The following FAF1 variants were observed in gnomAD, a reference collection of about 807,000 sequenced individuals.
The protein encoded by FAF1 is Fas associated factor 1, also known as FAS-associated factor 1.
In FAF1, 25 loss-of-function variants were observed where a neutral mutation model predicts 92.5. The ratio of observed to expected loss-of-function variants is 0.27; its 90% CI spans 0.20 to 0.38. The LOEUF (loss-of-function observed/expected upper bound fraction) is 0.38. Ranked by LOEUF, FAF1 falls within the 10% of genes least tolerant of loss-of-function variation. The pLI, the probability that FAF1 is intolerant of heterozygous loss-of-function variation, is 1.00. For missense variants in FAF1, 636 were observed against 793.3 expected (o/e 0.80, Z 2.38); for synonymous variants, 234 against 273.2 (o/e 0.86, Z 1.42).
chr1:50,668,248 C>T (rs1339879472), intron 7 of FAF1, among the ~76,000 whole-genome samples: 1 of 152,074 alleles, frequency 6.6e-6, no homozygotes, highest in Non-Finnish European at 1.5e-5. Context: ...CATTTGGGGC[C>T]CTGGAGTCAG....
chr1:50,555,678 T>A (rs1272828606), intron 13 of FAF1, among the ~76,000 whole-genome samples: 1 of 152,112 alleles, frequency 6.6e-6, no homozygotes, highest in Non-Finnish European at 1.5e-5. Flanking sequence ...TGTAAATTAG[T>A]ACAACCTCTA....
intron 4 of FAF1, among the ~76,000 whole-genome samples, chr1:50,761,234 T>C (rs1396218524): frequency 1.3e-5 from 2 of 152,140 alleles, no homozygotes; most frequent in Non-Finnish European, 2.9e-5. Context: ...ACCAGATGAA[T>C]TCACAGCCGA....
chr1:50,612,503 G>T (rs1231812615), intron 8 of FAF1: 2 of 985,146 alleles, frequency 2.0e-6, no homozygotes, highest in African/African-American at 1.7e-5. Context: ...TTGTATGCAT[G>T]AAGGGTACCA....
At chr1:50,933,128 G>A (rs983715904) in intron 1 of FAF1, among the ~76,000 whole-genome samples, 2 of 152,136 alleles carry the variant, frequency 1.3e-5, no homozygotes, top group Non-Finnish European at 2.9e-5. Context: ...ACATGACCTG[G>A]AGACATTTTC....
intron 4 of FAF1, among the ~76,000 whole-genome samples, chr1:50,787,777 A>C (rs1661415807): frequency 6.6e-6 from 1 of 152,194 alleles, no homozygotes; most frequent in Non-Finnish European, 1.5e-5. Flanking sequence ...AGCATTGTAT[A>C]CCATTCTACT....
At chr1:50,444,648 G>A (rs1200784615) in intron 18 of FAF1, among the ~76,000 whole-genome samples, 1 of 152,138 alleles carries the variant, frequency 6.6e-6, no homozygotes, top group East Asian at 1.9e-4. Context: ...CATCATCATA[G>A]CAGCAACTAT....
rs780627088 is a variant in FAF1, at chr1:50,498,247, TA to T, written c.1495-6447del. Among the ~76,000 whole-genome samples the T allele has an allele frequency of 1.4e-3, 211 of 150,338 alleles. 3 individuals are homozygous for T. The highest frequency in any genetic ancestry group is 5.1e-3 in the African/African-American group (208 of 41,002). ...GCTGGACCCTCATCATACCTCATAT[TA>T]AAAAAAAAGCTTAAAATGAATCAAA... On this transcript the variant is annotated intron_variant, in intron 15 of 18. Transcript: ENST00000396153.
At chr1:50,493,542 T>C (rs1646864231) in intron 15 of FAF1, among the ~76,000 whole-genome samples, 1 of 152,234 alleles carries the variant, frequency 6.6e-6, no homozygotes, top group Non-Finnish European at 1.5e-5. Context: ...CAACATTCTG[T>C]ACTTTCCCTT....
intron 15 of FAF1, among the ~76,000 whole-genome samples, chr1:50,504,288 T>A (rs1047519407): frequency 2.7e-5 from 4 of 150,776 alleles, no homozygotes; most frequent in African/African-American, 7.3e-5. Context: ...AAGAAGAGAA[T>A]ACAGTGGATT....
At chr1:50,656,391 C>T (rs1028109786) in intron 7 of FAF1, among the ~76,000 whole-genome samples, 4 of 150,524 alleles carry the variant, frequency 2.7e-5, no homozygotes, top group African/African-American at 9.7e-5. Context: ...GAAATCAATC[C>T]AAATTAAAAA....
intron 8 of FAF1, among the ~76,000 whole-genome samples, chr1:50,628,374 T>C (rs980253985): frequency 7.2e-5 from 11 of 152,190 alleles, no homozygotes; most frequent in Non-Finnish European, 1.3e-4. Flanking sequence ...TTTGAAACTG[T>C]AGGATTTTGG....
intron 7 of FAF1, among the ~76,000 whole-genome samples, chr1:50,679,047 A>C (rs1656303862): frequency 1.3e-5 from 2 of 152,218 alleles, no homozygotes; most frequent in South Asian, 2.1e-4. Context: ...AGATGGTGCC[A>C]CTGCACTCCA....
At chr1:50,589,805 T>C (rs1344252440) in intron 9 of FAF1, among the ~76,000 whole-genome samples, 1 of 152,216 alleles carries the variant, frequency 6.6e-6, no homozygotes, top group African/African-American at 2.4e-5. Flanking sequence ...AGTTGTATTG[T>C]TTTAGATCTT....
intron 15 of FAF1, among the ~76,000 whole-genome samples, chr1:50,513,456 C>T (rs1329470569): frequency 6.6e-6 from 1 of 152,142 alleles, no homozygotes; most frequent in African/African-American, 2.4e-5. Flanking sequence ...CGCCATTGCA[C>T]TCCAGTCTGG....
At chr1:50,741,341 G>A (rs1659378173) in intron 5 of FAF1, among the ~76,000 whole-genome samples, 1 of 152,226 alleles carries the variant, frequency 6.6e-6, no homozygotes, top group African/African-American at 2.4e-5. Flanking sequence ...TCTGTGGCTG[G>A]AACATGGAAA....
At chr1:50,700,799 A>C (rs1465067165) in intron 7 of FAF1, among the ~76,000 whole-genome samples, 8 of 152,082 alleles carry the variant, frequency 5.3e-5, no homozygotes, top group South Asian at 4.1e-4. Context: ...CAGGTAGACA[A>C]ATACTTATAT....
chr1:50,593,728 C>T (rs1411536456), intron 9 of FAF1, among the ~76,000 whole-genome samples: 1 of 152,032 alleles, frequency 6.6e-6, no homozygotes, highest in Non-Finnish European at 1.5e-5. Context: ...CTGTGGTTTT[C>T]TAAAAAATGT....
At chr1:50,761,733 T>C (rs1341548919) in intron 4 of FAF1, among the ~76,000 whole-genome samples, 3 of 152,150 alleles carry the variant, frequency 2.0e-5, no homozygotes, top group Admixed American at 6.5e-5. Context: ...ACCAATATCA[T>C]ACTGAATGGG....
In FAF1 at chr1:50,656,248, T is replaced by C. The variant is rs191553387; in HGVS notation, c.658-720A>G. On this transcript the variant is annotated intron_variant, in intron 7 of 18. Coordinates refer to ENST00000396153, the MANE Select transcript of FAF1 (RefSeq NM_007051.3). The stretch of plus-strand genomic sequence containing the variant: ...TTGGGAGGCTGAGGCAGGAGAATCG[T>C]TTGCATCCGGGAAGCGGAGGTGGCG... 2.8e-3 allele frequency among the ~76,000 whole-genome samples: 421 copies of C among 151,262 alleles called. 4 individuals are homozygous for C. Among genetic ancestry groups the C allele is most frequent in the African/African-American group, 9.7e-3 (399 of 41,222 alleles).
Sources: gnomAD v4.1 joint callset for allele counts (sites outside exome capture counted in the v4.1 genomes callset) on GRCh38, gnomAD v4.1.1 for gene constraint, MANE v1.5 for transcripts, NCBI Gene and HGNC (gene_info 2026-07-23, HGNC 2026-07-21) for gene names.